GRK5: variants seen among roughly 807,000 people sequenced by gnomAD.
GRK5 encodes G protein-coupled receptor kinase 5.
Under a neutral mutation model 78.4 loss-of-function variants are expected in GRK5, and 40 were observed. The observed-to-expected ratio is 0.51, with a 90% CI of 0.40 to 0.66. The LOEUF (loss-of-function observed/expected upper bound fraction) is 0.66. GRK5 is among the 30% of genes least tolerant of loss of function. GRK5 has a pLI of 0.00. For synonymous variants in GRK5, 289 were observed against 296.8 expected (o/e 0.97, Z 0.27); for missense variants, 598 against 759.9 (o/e 0.79, Z 2.50).
At chr10:119,425,647 G>A (rs1852663792) in intron 6 of GRK5, among the ~76,000 whole-genome samples, 2 of 152,198 alleles carry the variant, frequency 1.3e-5, no homozygotes, top group Non-Finnish European at 2.9e-5. Flanking sequence ...CAGTGCCCGA[G>A]TGCCTGCTCC....
chr10:119,360,972 GA>G (rs1851353770), intron 2 of GRK5, among the ~76,000 whole-genome samples: 1 of 152,190 alleles, frequency 6.6e-6, no homozygotes, highest in Non-Finnish European at 1.5e-5. Flanking sequence ...GATTCCCAAG[GA>G]TGAGTCTCTT....
At chr10:119,235,362 C>T (rs903807856) in intron 1 of GRK5, among the ~76,000 whole-genome samples, 3 of 152,122 alleles carry the variant, frequency 2.0e-5, no homozygotes, top group African/African-American at 7.2e-5. Context: ...AACTCACTAG[C>T]ATGTAAGTAA....
chr10:119,453,335 C>T lies in GRK5; in HGVS notation c.1674+59C>T, dbSNP rs1564942208. On this transcript the variant is annotated intron_variant, in intron 15 of 15. Transcript: ENST00000392870. ...AGCTCCGAGACCCCTGGCTCACTTC[C>T]ATGGGAAACGAGAAGACCCACAGTA... 3 of 1,601,450 alleles carry T rather than the reference C, an allele frequency of 1.9e-6. No homozygotes were observed. In the East Asian group the frequency reaches 6.7e-5, roughly 36 times the overall value.
chr10:119,309,971 C>G (rs55795903), intron 1 of GRK5, among the ~76,000 whole-genome samples: 1,780 of 152,194 alleles, frequency 0.012, 36 homozygotes, highest in African/African-American at 0.04. Flanking sequence ...GTCATGAGGC[C>G]CAGAGACTGT....
At chr10:119,347,269 G>A (rs568407680) in intron 2 of GRK5, among the ~76,000 whole-genome samples, 32 of 152,044 alleles carry the variant, frequency 2.1e-4, no homozygotes, top group Admixed American at 1.1e-3. Flanking sequence ...GTATGTGTCC[G>A]TGTATGTTTG....
At chr10:119,306,587 G>C (rs559722159) in intron 1 of GRK5, among the ~76,000 whole-genome samples, 1 of 152,128 alleles carries the variant, frequency 6.6e-6, no homozygotes, top group Non-Finnish European at 1.5e-5. Flanking sequence ...TGACACTTGC[G>C]GGGCAGAGCA....
At chr10:119,240,301 T>C (rs557314876) in intron 1 of GRK5, among the ~76,000 whole-genome samples, 197 of 147,376 alleles carry the variant, frequency 1.3e-3, no homozygotes, top group African/African-American at 4.5e-3. Flanking sequence ...TCTGGGTTCA[T>C]GCCATTCTCC....
chr10:119,290,770 G>A (rs1849942291), intron 1 of GRK5, among the ~76,000 whole-genome samples: 1 of 151,864 alleles, frequency 6.6e-6, no homozygotes, highest in African/African-American at 2.4e-5. Flanking sequence ...TTCCCCTTCT[G>A]TGTGTGTGTA....
chr10:119,380,200 G>A (rs1183583181), intron 2 of GRK5, among the ~76,000 whole-genome samples: 1 of 152,200 alleles, frequency 6.6e-6, no homozygotes, highest in East Asian at 1.9e-4. Context: ...CAGCTTTTCA[G>A]ATATGGTTTG....
At chr10:119,427,332 T>TATCAATATCCCACCAC (rs1852707886) in intron 6 of GRK5, among the ~76,000 whole-genome samples, 2 of 145,524 alleles carry the variant, frequency 1.4e-5, no homozygotes, top group African/African-American at 2.6e-5. Context: ...ATCACTGCCT[T>TATCAATATCCCACCAC]CATCAACATC....
rs777710029 is a variant in GRK5, at chr10:119,431,367, G to A, written c.598-20G>A. The A allele has an allele frequency of 6.2e-7, 1 of 1,606,490 alleles. No individual in the cohort carries two copies. On this transcript the variant is annotated intron_variant, in intron 7 of 15. Coordinates refer to ENST00000392870, the MANE Select transcript of GRK5 (RefSeq NM_005308.3). The surrounding 1 kb of genome is among the most constrained non-coding windows in gnomAD (Gnocchi z 4.8). ...CCTCCACGGTGCTCCTGCCACCCTGGTTTCTTTCTTGCACTGCAGGTCTGT... is the reference window on the plus strand; with the variant it reads ...CCTCCACGGTGCTCCTGCCACCCTGATTTCTTTCTTGCACTGCAGGTCTGT...
intron 2 of GRK5, among the ~76,000 whole-genome samples, chr10:119,327,609 T>C (rs1488465101): frequency 6.6e-6 from 1 of 152,190 alleles, no homozygotes; most frequent in Admixed American, 6.5e-5. Context: ...CAAGGCCACA[T>C]GTAGCCATTT....
At chr10:119,442,708 G>A (rs1290997667) in intron 11 of GRK5, among the ~76,000 whole-genome samples, 2 of 152,232 alleles carry the variant, frequency 1.3e-5, no homozygotes, top group Admixed American at 1.3e-4. Context: ...GAGCAGGCAC[G>A]CTGCCGCCCT....
At chr10:119,418,537 C>T (rs1852509067) in intron 4 of GRK5, among the ~76,000 whole-genome samples, 1 of 152,210 alleles carries the variant, frequency 6.6e-6, no homozygotes, top group Non-Finnish European at 1.5e-5. Context: ...TTACAGAGCC[C>T]TGCTCAGGGA....
At chr10:119,423,340 C>A in intron 5 of GRK5, 74 bp downstream of exon 5, 3 of 1,007,872 alleles carry the variant, frequency 3.0e-6, no homozygotes, top group East Asian at 4.8e-5. Context: ...TCCACCTGAC[C>A]ATACAGGGCA....
chr10:119,237,614 G>T (rs1207932687), intron 1 of GRK5, among the ~76,000 whole-genome samples: 1 of 152,074 alleles, frequency 6.6e-6, no homozygotes, highest in Non-Finnish European at 1.5e-5. Flanking sequence ...TCAAGGAAAT[G>T]AAAAGTGATA....
chr10:119,371,777 C>G (rs888549301), intron 2 of GRK5, among the ~76,000 whole-genome samples: 1 of 152,258 alleles, frequency 6.6e-6, no homozygotes, highest in Non-Finnish European at 1.5e-5. Context: ...TAAAACCCAT[C>G]ATTTCCTGAG....
At chr10:119,224,801 TG>T (rs1452282929) in intron 1 of GRK5, among the ~76,000 whole-genome samples, 4 of 152,220 alleles carry the variant, frequency 2.6e-5, no homozygotes, top group African/African-American at 4.8e-5. Context: ...ATTGAAAGCT[TG>T]ATCAAGGTTC....
chr10:119,332,902 A>G (rs945071604), intron 2 of GRK5, among the ~76,000 whole-genome samples: 4 of 152,236 alleles, frequency 2.6e-5, no homozygotes, highest in African/African-American at 9.7e-5. Flanking sequence ...AAAAGGAACC[A>G]TACCCTCCTT....
Sources: allele counts gnomAD v4.1 joint callset (sites outside exome capture counted in the v4.1 genomes callset), GRCh38; gene constraint gnomAD v4.1.1; non-coding constraint Gnocchi (gnomAD v3.1); transcripts MANE v1.5; gene names NCBI Gene and HGNC (gene_info 2026-07-23, HGNC 2026-07-21).